Variants in FAF1 observed in about 807,000 individuals in gnomAD.
The protein encoded by FAF1 is FAS-associated factor 1.
A neutral mutation model predicts 92.5 loss-of-function variants in FAF1; 25 were observed. The ratio of observed to expected loss-of-function variants is 0.27; its 90% CI spans 0.20 to 0.38. The LOEUF is 0.38. Ranked by LOEUF, FAF1 falls within the 10% of genes least tolerant of loss-of-function variation. The pLI is 1.00. For synonymous variants in FAF1, 234 were observed against 273.2 expected, an observed-to-expected ratio of 0.86 and a Z score of 1.42; for missense variants, 636 against 793.3, an observed-to-expected ratio of 0.80 and a Z score of 2.38.
At chr1:50,732,310 C>T (rs1286986473) in intron 6 of FAF1, among the ~76,000 whole-genome samples, 3 of 152,068 alleles carry the variant, frequency 2.0e-5, no homozygotes, top group South Asian at 2.1e-4. Context: ...CTCCTGATCT[C>T]GTGATCTGCC....
chr1:50,498,975 C>A (rs1408059187), intron 15 of FAF1, among the ~76,000 whole-genome samples: 1 of 152,028 alleles, frequency 6.6e-6, no homozygotes, highest in Non-Finnish European at 1.5e-5. Flanking sequence ...TGGAAATAAT[C>A]CAACTGTTCA....
intron 12 of FAF1, among the ~76,000 whole-genome samples, chr1:50,568,695 T>A (rs150312854): frequency 6.6e-6 from 1 of 152,286 alleles, no homozygotes; most frequent in East Asian, 1.9e-4. Flanking sequence ...CACAGATAGT[T>A]AGTAACTAAT....
intron 15 of FAF1, among the ~76,000 whole-genome samples, chr1:50,516,017 A>T (rs557971499): frequency 6.6e-6 from 1 of 152,138 alleles, no homozygotes; most frequent in Non-Finnish European, 1.5e-5. Context: ...CACCAGTCTA[A>T]GCACTTTACA....
chr1:50,779,991 G>GACACACACACACACACACACACAC, intron 4 of FAF1, among the ~76,000 whole-genome samples: 1 of 145,532 alleles, frequency 6.9e-6, no homozygotes, highest in African/African-American at 2.5e-5. Context: ...CAGACAGACA[G>GACACACACACACACACACACACAC]ACACACACAC....
chr1:50,797,853 T>C, intron 3 of FAF1, among the ~76,000 whole-genome samples: 1 of 152,182 alleles, frequency 6.6e-6, no homozygotes, highest in Middle Eastern at 3.4e-3. Flanking sequence ...TAAATAAATA[T>C]AAAAATAACA....
intron 18 of FAF1, chr1:50,471,052 T>C (rs753817536): frequency 6.6e-6 from 1 of 152,252 alleles, no homozygotes; most frequent in Non-Finnish European, 1.5e-5. Flanking sequence ...AAAATTTCTG[T>C]ATCACCAGCA....
intron 7 of FAF1, among the ~76,000 whole-genome samples, chr1:50,703,856 A>G (rs1016765850): frequency 6.6e-5 from 10 of 152,196 alleles, no homozygotes; most frequent in African/African-American, 9.6e-5. Flanking sequence ...TGATGTAGTC[A>G]TTTTGAATCA....
chr1:50,538,963 A>G (rs1417026062), intron 14 of FAF1, among the ~76,000 whole-genome samples: 1 of 152,218 alleles, frequency 6.6e-6, no homozygotes, highest in Non-Finnish European at 1.5e-5. Context: ...TGGCATAGAG[A>G]AGATATACTG....
At chr1:50,490,422 AGG>A (rs1346255960) in intron 17 of FAF1, among the ~76,000 whole-genome samples, 164 bp downstream of exon 17, 63 of 116,406 alleles carry the variant, frequency 5.4e-4, no homozygotes, top group Middle Eastern at 3.9e-3. Context: ...GAAGGAAGGA[AGG>A]AAGGAAGGAA....
chr1:50,661,601 T>G (rs540841216), intron 7 of FAF1, among the ~76,000 whole-genome samples: 2 of 152,190 alleles, frequency 1.3e-5, no homozygotes, highest in African/African-American at 4.8e-5. Context: ...GAATTTTAAA[T>G]ATATCAAACT....
At chr1:50,627,121 G>C in intron 8 of FAF1, among the ~76,000 whole-genome samples, 1 of 152,130 alleles carries the variant, frequency 6.6e-6, no homozygotes, top group East Asian at 1.9e-4. Flanking sequence ...GGCTCTTCTG[G>C]AGCTAACATG....
At chr1:50,815,156 C>T (rs1333288394) in intron 2 of FAF1, among the ~76,000 whole-genome samples, 2 of 152,052 alleles carry the variant, frequency 1.3e-5, no homozygotes, top group East Asian at 3.8e-4. Context: ...TTGCATGATG[C>T]TGAGGTTTGG....
chr1:50,897,531 G>A (rs762911233), intron 1 of FAF1, among the ~76,000 whole-genome samples: 1 of 152,144 alleles, frequency 6.6e-6, no homozygotes, highest in Non-Finnish European at 1.5e-5. Flanking sequence ...CACTTCCAAT[G>A]TGACTCCTCA....
intron 7 of FAF1, among the ~76,000 whole-genome samples, chr1:50,658,542 A>G: frequency 6.6e-6 from 1 of 152,230 alleles, no homozygotes; most frequent in East Asian, 1.9e-4. Context: ...TAAGCCTGAA[A>G]AGCATGTCCT....
intron 9 of FAF1, among the ~76,000 whole-genome samples, chr1:50,585,700 A>C (rs915286874): frequency 2.0e-5 from 3 of 152,114 alleles, no homozygotes; most frequent in Non-Finnish European, 4.4e-5. Flanking sequence ...TTAGTAAATA[A>C]AATTTCTATC....
At position 50,439,540 on chromosome 1, in the gene FAF1, A is replaced by G. The variant is rs1404382419; in HGVS notation, c.*1900T>C. ...AAGGTGAGTGGGAGGGAACAATATA[A>G]TGAAGAAACCCAAGTCAGATGGAAC... is the stretch of plus-strand genomic sequence containing the variant. On this transcript the variant is annotated 3_prime_UTR_variant, in exon 19 of 19. Coordinates refer to ENST00000396153, the MANE Select transcript of FAF1 (RefSeq NM_007051.3). 2 of 152,230 alleles carry G rather than the reference A, an allele frequency of 1.3e-5. No homozygotes were observed. Among genetic ancestry groups the G allele is most frequent in the African/African-American group, 4.8e-5 (2 of 41,458 alleles). The allele number at this position is 152,230 out of a possible 1,614,324, so 9.4% of individuals were successfully genotyped here.
intron 9 of FAF1, among the ~76,000 whole-genome samples, chr1:50,588,889 G>A (rs1480202294): frequency 6.6e-6 from 1 of 152,230 alleles, no homozygotes; most frequent in Non-Finnish European, 1.5e-5. Flanking sequence ...TCATGCACTG[G>A]GGTAAGTGCT....
At chr1:50,835,143 C>T (rs1211479386) in intron 2 of FAF1, among the ~76,000 whole-genome samples, 1 of 152,112 alleles carries the variant, frequency 6.6e-6, no homozygotes, top group Non-Finnish European at 1.5e-5. Flanking sequence ...ATATGAAGTG[C>T]TTTATTTGCC....
Position 50,789,779 on chromosome 1 carries a change from G to A in FAF1, c.162-1574C>T, listed in dbSNP as rs570394592. Among the ~76,000 whole-genome samples the A allele has an allele frequency of 1.2e-4, 19 of 152,122 alleles. No homozygotes were observed. In the South Asian group the frequency reaches 2.7e-3, roughly 22 times the overall value. ...TCTTCAGATACATACTTAAAGTGGCGTATGAGGCCCTGTATGATCTGAATC... is the reference window on the plus strand; with the variant it reads ...TCTTCAGATACATACTTAAAGTGGCATATGAGGCCCTGTATGATCTGAATC... On this transcript the variant is annotated intron_variant, in intron 3 of 18. Transcript: ENST00000396153.
Sources: gnomAD v4.1 joint callset for allele counts (sites outside exome capture counted in the v4.1 genomes callset) on GRCh38, gnomAD v4.1.1 for gene constraint, MANE v1.5 for transcripts, NCBI Gene and HGNC (gene_info 2026-07-23, HGNC 2026-07-21) for gene names.